WDR7: variants seen among roughly 807,000 people sequenced by gnomAD.
The protein encoded by WDR7 is WD repeat domain 7.
In WDR7, 46 loss-of-function variants were observed where a neutral mutation model predicts 169.4. That is an observed-to-expected ratio of 0.27 (90% CI 0.21 to 0.35). WDR7 has a LOEUF of 0.35. Among genes scored for constraint, WDR7 ranks in the 10% least tolerant of loss-of-function variants. The pLI is 1.00. For synonymous variants in WDR7, 612 were observed against 666.8 expected (o/e 0.92, Z 1.27); for missense variants, 1,534 against 1,859.3 (o/e 0.83, Z 3.22).
downstream of WDR7, chr18:57,031,567 T>TA (rs1435992430): frequency 6.6e-6 from 1 of 152,220 alleles, no homozygotes. Flanking sequence ...ATGTGCTAAT[T>TA]AAAGAGTATT....
At chr18:56,855,301 T>C (rs888436269) in intron 20 of WDR7, among the ~76,000 whole-genome samples, 4 of 152,100 alleles carry the variant, frequency 2.6e-5, no homozygotes, top group African/African-American at 9.7e-5. Context: ...AGAATACTAA[T>C]AGTTTGTCAG....
intron 19 of WDR7, among the ~76,000 whole-genome samples, chr18:56,807,509 A>G (rs1199794046): frequency 6.6e-6 from 1 of 152,104 alleles, no homozygotes; most frequent in African/African-American, 2.4e-5. Flanking sequence ...ATTTTTAGAT[A>G]TTTTTGGGAA....
chr18:56,692,343 A>G (rs2025589890), intron 9 of WDR7, among the ~76,000 whole-genome samples: 1 of 151,854 alleles, frequency 6.6e-6, no homozygotes, highest in Non-Finnish European at 1.5e-5. Context: ...CTTAATATCC[A>G]CTTAATGTTG....
intron 12 of WDR7, among the ~76,000 whole-genome samples, chr18:56,698,918 ATGGGTAC>A (rs1306204368): frequency 1.3e-5 from 2 of 152,102 alleles, no homozygotes; most frequent in African/African-American, 2.4e-5. Context: ...AAAACAACTA[ATGGGTAC>A]TGGGCTTAAT....
chr18:56,948,087 C>G (rs1260587290), intron 25 of WDR7, among the ~76,000 whole-genome samples: 1 of 151,804 alleles, frequency 6.6e-6, no homozygotes, highest in Non-Finnish European at 1.5e-5. Context: ...AGGATTTCTT[C>G]AGAGCAAAAA....
chr18:56,732,354 A>G (rs1226222940), intron 14 of WDR7, among the ~76,000 whole-genome samples: 2 of 152,224 alleles, frequency 1.3e-5, no homozygotes, highest in Non-Finnish European at 2.9e-5. Context: ...ATCACTACTT[A>G]AAATTCTAGT....
intron 21 of WDR7, among the ~76,000 whole-genome samples, chr18:56,887,327 A>G (rs918827948): frequency 1.3e-5 from 2 of 152,198 alleles, no homozygotes; most frequent in East Asian, 1.9e-4. Context: ...AACTTTCCCA[A>G]TGAAGATAAA....
At chr18:56,993,643 T>A (rs2047850101) in intron 26 of WDR7, among the ~76,000 whole-genome samples, 1 of 152,160 alleles carries the variant, frequency 6.6e-6, no homozygotes, top group Admixed American at 6.5e-5. Context: ...CCATTTTAAG[T>A]GTGTTAGCAA....
rs1188731433 is a variant in WDR7 at position 56,695,250 on chromosome 18, A to G, written c.1357+52A>G. On this transcript the variant is annotated intron_variant, in intron 11 of 27. Transcript: ENST00000254442. ...AAGTGTTTTGACAACTCTTACCCAGAGAGTGAAAATGTCTCTGTTTTTTGT... is the reference window on the plus strand; with the variant it reads ...AAGTGTTTTGACAACTCTTACCCAGGGAGTGAAAATGTCTCTGTTTTTTGT... 4 of 1,568,278 alleles carry G rather than the reference A, an allele frequency of 2.6e-6. No individual in the cohort carries two copies. The African/African-American group carries it at 4.1e-5, about 16-fold the overall frequency.
intron 13 of WDR7, among the ~76,000 whole-genome samples, chr18:56,724,511 C>T (rs2026398541): frequency 6.6e-6 from 1 of 150,916 alleles, no homozygotes; most frequent in Non-Finnish European, 1.5e-5. Context: ...CGCTCCTGGC[C>T]ATGCCTTTGT....
Position 56,731,408 on chromosome 18 carries a change from G to C in WDR7, c.1800G>C (p.Gly600=), listed in dbSNP as rs754137682. 10 of 1,614,130 alleles carry C rather than the reference G, an allele frequency of 6.2e-6. No homozygotes were observed. The highest frequency in any genetic ancestry group is 1.6e-4 in the Middle Eastern group (1 of 6,062). ...DTGALDRCVM[G]ITAVEILNAC... is the part of the protein sequence containing the mutation. ...GTGCATTGGATCGTTGTGTGATGGG[G>C]ATAACAGCAGTTGAGATTCTAAACG... Residue 600 remains glycine (G), a synonymous_variant, in exon 14 of 28, where the codon GGG becomes GGC. Transcript: ENST00000254442.
At chr18:56,942,332 G>A (rs1427277907) in intron 25 of WDR7, among the ~76,000 whole-genome samples, 1 of 152,088 alleles carries the variant, frequency 6.6e-6, no homozygotes, top group Non-Finnish European at 1.5e-5. Context: ...AGGATCTAAA[G>A]GCAACTAGGG....
At chr18:57,012,682 A>T (rs371027735) in intron 26 of WDR7, among the ~76,000 whole-genome samples, 2 of 152,344 alleles carry the variant, frequency 1.3e-5, no homozygotes, top group African/African-American at 4.8e-5. Flanking sequence ...GAAGTCACTT[A>T]TAAGTGTTAG....
intron 21 of WDR7, among the ~76,000 whole-genome samples, chr18:56,889,006 A>G (rs1052665262): frequency 3.9e-5 from 6 of 152,294 alleles, no homozygotes; most frequent in African/African-American, 1.4e-4. Context: ...CTCAACTTTA[A>G]TATCCCCTTG....
At chr18:56,917,752 C>T (rs534519225) in intron 21 of WDR7, among the ~76,000 whole-genome samples, 18 of 152,254 alleles carry the variant, frequency 1.2e-4, no homozygotes, top group South Asian at 1.0e-3. Context: ...CTTTATTTTG[C>T]GCTCTCTGCC....
At chr18:56,658,746 T>C (rs1402945580) in intron 1 of WDR7, among the ~76,000 whole-genome samples, 1 of 152,174 alleles carries the variant, frequency 6.6e-6, no homozygotes. Context: ...AGAGTCTCAC[T>C]CTGTTGCTCA....
chr18:56,845,703 G>C (rs2045556223), intron 20 of WDR7, among the ~76,000 whole-genome samples: 1 of 151,972 alleles, frequency 6.6e-6, no homozygotes, highest in Non-Finnish European at 1.5e-5. Flanking sequence ...TTATTAGCTG[G>C]TAATCTCCAA....
chr18:56,917,342 C>T (rs2046643103), intron 21 of WDR7, among the ~76,000 whole-genome samples: 1 of 152,032 alleles, frequency 6.6e-6, no homozygotes, highest in African/African-American at 2.4e-5. Context: ...ATTTATCAAA[C>T]AAATTATGCT....
chr18:56,664,478 C>T (rs957039876), intron 1 of WDR7, among the ~76,000 whole-genome samples: 2 of 148,754 alleles, frequency 1.3e-5, no homozygotes, highest in African/African-American at 5.0e-5. Context: ...ACGGTGAGAA[C>T]ATAATTAAAG....
Sources: allele counts gnomAD v4.1 joint callset (sites outside exome capture counted in the v4.1 genomes callset), GRCh38; gene constraint gnomAD v4.1.1; transcripts MANE v1.5; gene names NCBI Gene and HGNC (gene_info 2026-07-23, HGNC 2026-07-21).